The following MCTP2 variants were observed in gnomAD, a reference collection of about 807,000 sequenced individuals.
MCTP2 encodes multiple C2 and transmembrane domain-containing protein 2.
Under a neutral mutation model 111.6 loss-of-function variants are expected in MCTP2, and 132 were observed. That is an observed-to-expected ratio of 1.18 (90% CI 1.03 to 1.37). MCTP2 has a LOEUF of 1.37. Among genes scored for constraint, MCTP2 ranks in the 40% most tolerant of loss-of-function variants. The pLI is 0.00. For synonymous variants in MCTP2, 395 were observed against 387.7 expected (o/e 1.02, Z -0.22); for missense variants, 1,183 against 1,067.9 (o/e 1.11, Z -1.50).
chr15:94,263,518 C>T (rs545414001), intron 1 of MCTP2, among the ~76,000 whole-genome samples: 10 of 152,290 alleles, frequency 6.6e-5, no homozygotes, highest in East Asian at 3.9e-4. Flanking sequence ...TTATGACTTA[C>T]GCCCGAATGA....
chr15:94,303,105 ATATATATATAGTT>A (rs1306349409), intron 2 of MCTP2, among the ~76,000 whole-genome samples: 28 of 133,040 alleles, frequency 2.1e-4, no homozygotes, highest in South Asian at 4.6e-4. Context: ...TATAGTTTAT[ATATATATATAGTT>A]TATATATATA....
chr15:94,316,179 C>G (rs1182235198), intron 4 of MCTP2, among the ~76,000 whole-genome samples: 1 of 152,068 alleles, frequency 6.6e-6, no homozygotes, highest in African/African-American at 2.4e-5. Flanking sequence ...CAAAATTGAC[C>G]ATGCTTTTCC....
intron 1 of MCTP2, among the ~76,000 whole-genome samples, chr15:94,293,841 A>G (rs1171970486): frequency 2.0e-5 from 3 of 152,182 alleles, no homozygotes; most frequent in Non-Finnish European, 4.4e-5. Context: ...TTATCATATG[A>G]CCCAGCAATC....
intron 14 of MCTP2, among the ~76,000 whole-genome samples, chr15:94,395,089 G>A (rs549522581): frequency 3.0e-4 from 46 of 152,290 alleles, no homozygotes; most frequent in Non-Finnish European, 5.1e-4. Flanking sequence ...AATAAGGCCT[G>A]ATTCCAAGTG....
intron 20 of MCTP2, among the ~76,000 whole-genome samples, chr15:94,466,610 C>T (rs192867756): frequency 3.3e-5 from 5 of 150,906 alleles, no homozygotes; most frequent in Non-Finnish European, 7.4e-5. Flanking sequence ...AAAATCTCCC[C>T]GTGGAGAGTT....
chr15:94,299,406 G>T (rs983449657), intron 2 of MCTP2, among the ~76,000 whole-genome samples: 1 of 152,068 alleles, frequency 6.6e-6, no homozygotes, highest in East Asian at 1.9e-4. Context: ...AGAAGCATAT[G>T]AATGTATGTC....
At chr15:94,271,697 CTT>C (rs777406271) in intron 1 of MCTP2, among the ~76,000 whole-genome samples, 4 of 152,074 alleles carry the variant, frequency 2.6e-5, no homozygotes, top group African/African-American at 4.8e-5. Context: ...CTTTCTTGCT[CTT>C]TGGTAGATGT....
chr15:94,391,540 A>T (rs965154457), intron 14 of MCTP2, among the ~76,000 whole-genome samples: 3 of 152,096 alleles, frequency 2.0e-5, no homozygotes, highest in Admixed American at 6.6e-5. Context: ...GGAGAGAGGG[A>T]TGTATCACCT....
intron 22 of MCTP2, among the ~76,000 whole-genome samples, chr15:94,477,079 A>G (rs1419729661): frequency 2.0e-5 from 3 of 152,188 alleles, no homozygotes; most frequent in African/African-American, 7.2e-5. Flanking sequence ...TTGCCTCCCT[A>G]AAGAGGATAA....
At chr15:94,257,566 GTTGTTTTTTTT>G (rs2072871952) in intron 1 of MCTP2, among the ~76,000 whole-genome samples, 5 of 73,004 alleles carry the variant, frequency 6.8e-5, no homozygotes, top group Non-Finnish European at 1.1e-4. Flanking sequence ...CATTTTCTTT[GTTGTTTTTTTT>G]TTTTTTTTTT....
chr15:94,274,440 A>G (rs1035247027), intron 1 of MCTP2, among the ~76,000 whole-genome samples: 1 of 152,180 alleles, frequency 6.6e-6, no homozygotes, highest in African/African-American at 2.4e-5. Flanking sequence ...AATAAATAAA[A>G]TCAACAGAGG....
intron 7 of MCTP2, 47 bp from the exon 8 acceptor site, chr15:94,345,082 C>T: frequency 6.2e-7 from 1 of 1,602,850 alleles, no homozygotes; most frequent in Non-Finnish European, 8.5e-7. Flanking sequence ...CTATCTTCCT[C>T]TGTTTTATTT....
chr15:94,461,236 G>A (rs1240548463), intron 20 of MCTP2, among the ~76,000 whole-genome samples: 21 of 152,170 alleles, frequency 1.4e-4, no homozygotes, highest in Admixed American at 1.4e-3. Flanking sequence ...GAGGTGGGCG[G>A]ATCACCTGAG....
chr15:94,370,148 AG>A lies in MCTP2; in HGVS notation c.1552del (p.Ala518GlnfsTer5). The A allele has an allele frequency of 6.2e-7, 1 of 1,613,542 alleles. No homozygotes were observed. Among genetic ancestry groups the A allele is most frequent in the Non-Finnish European group, 8.5e-7 (1 of 1,179,702 alleles). ...GGCATTCTACAAGTGAAGGTTTTAA[AG>A]GCAGCAGATCTCTTAGCGGCAGATT... ...DVGILQVKVL[K>X]AADLLAADFS... On this transcript the variant is annotated frameshift_variant, in exon 12 of 23. Coordinates refer to ENST00000357742, the MANE Select transcript of MCTP2 (RefSeq NM_001385001.1). LOFTEE classifies it high-confidence loss of function.
At position 94,379,239 on chromosome 15, in the gene MCTP2, A is replaced by G. The variant is rs1159733174; in HGVS notation, c.1583-4783A>G. On this transcript the variant is annotated intron_variant, in intron 12 of 22. Coordinates refer to ENST00000357742, the MANE Select transcript of MCTP2 (RefSeq NM_001385001.1). ...TTAGGAGTGGAGGAAAGAGACACCA[A>G]CCTTGCTGAAGAGTTGGTGAACAGT... is the stretch of plus-strand genomic sequence containing the variant. Among the ~76,000 whole-genome samples, 3 of 152,080 alleles carry G rather than the reference A, an allele frequency of 2.0e-5. No homozygotes were observed. The East Asian group carries it at 5.8e-4, about 29-fold the overall frequency.
At position 94,436,933 on chromosome 15, in the gene MCTP2, T is replaced by C. The variant is rs148700232; in HGVS notation, c.2086-3243T>C. Among the ~76,000 whole-genome samples the C allele has an allele frequency of 2.3e-3, 356 of 152,092 alleles. 1 individual carries two copies. The highest frequency in any genetic ancestry group is 8.0e-3 in the African/African-American group (331 of 41,522). On this transcript the variant is annotated intron_variant, in intron 17 of 22. Transcript: ENST00000357742. ...AAACAGGAAAATCTCTAGCTTTACC[T>C]AATAAAGAAATTACTATTGGCTCTA...
intron 2 of MCTP2, among the ~76,000 whole-genome samples, chr15:94,309,929 A>G (rs1419308745): frequency 6.6e-6 from 1 of 152,246 alleles, no homozygotes; most frequent in Admixed American, 6.5e-5. Context: ...AATAGTGCTC[A>G]TTCCAAGATG....
intron 17 of MCTP2, among the ~76,000 whole-genome samples, chr15:94,414,174 T>C (rs1354473375): frequency 6.6e-6 from 1 of 152,224 alleles, no homozygotes; most frequent in Admixed American, 6.5e-5. Flanking sequence ...AATTGCAGTC[T>C]CTGCCTTTCT....
chr15:94,476,696 G>A lies in MCTP2; in HGVS notation c.2471G>A (p.Gly824Asp), dbSNP rs542017687. The A allele has an allele frequency of 3.3e-6, 5 of 1,516,038 alleles. No homozygotes were observed. In the South Asian group the frequency reaches 3.4e-5, roughly 10 times the overall value. 93.9% of individuals were successfully genotyped at this position (1,516,038 alleles called of 1,614,324 possible). The change falls in exon 22 of 23, where the codon GGC (glycine) becomes GAC (aspartate). Residue 824 changes from glycine to aspartate, a missense_variant and splice_region_variant. By Grantham distance (94) the Gly-to-Asp change is moderately conservative (BLOSUM62 -1). Coordinates refer to ENST00000357742, the MANE Select transcript of MCTP2 (RefSeq NM_001385001.1). ...IPLRYIILIW[G>D]INKFTKKLRN... ...GATCTCCTGTGTTTCTATTTTTCAG[G>A]CATAAATAAATTTACTAAGAAGCTT...
Sources: allele counts gnomAD v4.1 joint callset (sites outside exome capture counted in the v4.1 genomes callset), GRCh38; gene constraint gnomAD v4.1.1; transcripts MANE v1.5; gene names NCBI Gene and HGNC (gene_info 2026-07-23, HGNC 2026-07-21).